The following UBE3D variants were observed in gnomAD, a reference collection of about 807,000 sequenced individuals.
The protein encoded by UBE3D is E3 ubiquitin-protein ligase E3D.
A neutral mutation model predicts 49.6 loss-of-function variants in UBE3D; 48 were observed. The observed-to-expected ratio is 0.97, with a 90% confidence interval of 0.77 to 1.23. The LOEUF (loss-of-function observed/expected upper bound fraction) is 1.23. Among genes scored for constraint, UBE3D ranks in the 50% most tolerant of loss-of-function variants. The pLI, the probability that UBE3D is intolerant of heterozygous loss-of-function variation, is 0.00. For missense variants in UBE3D, 452 were observed against 468.4 expected, an observed-to-expected ratio of 0.96 and a Z score of 0.32; for synonymous variants, 189 against 174.2, an observed-to-expected ratio of 1.08 and a Z score of -0.67.
At chr6:82,981,665 G>A (rs12196322) in intron 8 of UBE3D, among the ~76,000 whole-genome samples, 13,295 of 151,882 alleles carry the variant, frequency 0.088, 770 homozygotes, top group Non-Finnish European at 0.13. Flanking sequence ...ACTGGCCTGA[G>A]AACCTACTTG....
chr6:82,931,911 C>T (rs746569786), intron 9 of UBE3D, among the ~76,000 whole-genome samples: 4 of 152,040 alleles, frequency 2.6e-5, no homozygotes, highest in Non-Finnish European at 4.4e-5. Context: ...ATTGTAGTTA[C>T]CATAATCTCC....
At chr6:82,994,515 A>G (rs1779110660) in intron 8 of UBE3D, among the ~76,000 whole-genome samples, 1 of 152,162 alleles carries the variant, frequency 6.6e-6, no homozygotes, top group African/African-American at 2.4e-5. Flanking sequence ...GGAGATAAGG[A>G]TTTGGGACAG....
chr6:83,004,988 G>A (rs1779873745), intron 8 of UBE3D, among the ~76,000 whole-genome samples: 1 of 151,994 alleles, frequency 6.6e-6, no homozygotes, highest in African/African-American at 2.4e-5. Flanking sequence ...TAGAGAAATG[G>A]GACTATCTCA....
intron 9 of UBE3D, among the ~76,000 whole-genome samples, chr6:82,951,806 C>A (rs1428376964): frequency 6.6e-6 from 1 of 152,074 alleles, no homozygotes; most frequent in Admixed American, 6.6e-5. Context: ...GAGGCCCTGA[C>A]CAAAAGGACG....
At chr6:83,038,626 T>C in intron 4 of UBE3D, 141 bp from the exon 5 acceptor site, 1 of 695,674 alleles carries the variant, frequency 1.4e-6, no homozygotes, top group Non-Finnish European at 2.3e-6. Flanking sequence ...ACATTTAGCT[T>C]GTATGCATAA....
intron 5 of UBE3D, among the ~76,000 whole-genome samples, chr6:83,031,858 G>A (rs901516336): frequency 2.8e-4 from 42 of 152,302 alleles, no homozygotes; most frequent in East Asian, 2.1e-3. Context: ...CTCGGGCCCC[G>A]GCTTCAGAGG....
chr6:82,932,404 A>G lies in UBE3D; in HGVS notation c.1149+24908T>C, dbSNP rs12110929. Among the ~76,000 whole-genome samples the G allele has an allele frequency of 2.8e-3, 431 of 152,260 alleles. 4 individuals carry two copies. Among genetic ancestry groups the G allele is most frequent in the African/African-American group, 9.4e-3 (392 of 41,562 alleles). On this transcript the variant is annotated intron_variant, in intron 9 of 9. Transcript: ENST00000369747. Reference sequence around the variant, plus strand: ...CTTTAAATGGTGTATCTGGTCCTATATGGCCTTTGGCTTTTTAAATCATGT... The same window carrying G: ...CTTTAAATGGTGTATCTGGTCCTATGTGGCCTTTGGCTTTTTAAATCATGT...
At chr6:83,031,111 G>A (rs1392130904) in intron 5 of UBE3D, among the ~76,000 whole-genome samples, 1 of 152,148 alleles carries the variant, frequency 6.6e-6, no homozygotes, top group Non-Finnish European at 1.5e-5. Context: ...AAATTCAAGT[G>A]ATTATCATGC....
intron 8 of UBE3D, among the ~76,000 whole-genome samples, chr6:83,013,486 T>G (rs1238513830): frequency 1.3e-5 from 2 of 152,188 alleles, no homozygotes; most frequent in Non-Finnish European, 2.9e-5. Context: ...CATAGCAGCC[T>G]GGACCTGTTG....
chr6:82,903,077 C>T (rs1359011605), intron 9 of UBE3D, among the ~76,000 whole-genome samples: 1 of 152,030 alleles, frequency 6.6e-6, no homozygotes, highest in Non-Finnish European at 1.5e-5. Flanking sequence ...GAGATAATTG[C>T]TATTGTAACT....
chr6:82,887,425 T>C (rs1163063582), downstream of UBE3D, among the ~76,000 whole-genome samples: 5 of 137,066 alleles, frequency 3.6e-5, no homozygotes, highest in Non-Finnish European at 7.7e-5. Context: ...GAAAGAATAG[T>C]GGGCTGGGCG....
chr6:83,063,412 TAAAAAAAAAA>T (rs201669450), intron 1 of UBE3D, among the ~76,000 whole-genome samples: 3 of 45,496 alleles, frequency 6.6e-5, no homozygotes, highest in South Asian at 7.7e-4. Context: ...AGACGCTGTC[TAAAAAAAAAA>T]AAAAAAAAAA....
chr6:82,965,046 G>A (rs1776810799), intron 8 of UBE3D, among the ~76,000 whole-genome samples: 1 of 152,146 alleles, frequency 6.6e-6, no homozygotes, highest in Non-Finnish European at 1.5e-5. Context: ...GAGAATTTAA[G>A]TACACAATTC....
intron 7 of UBE3D, among the ~76,000 whole-genome samples, chr6:83,021,754 A>T (rs1248857635): frequency 6.6e-6 from 1 of 151,850 alleles, no homozygotes; most frequent in Admixed American, 6.6e-5. Flanking sequence ...CTGTAGTCCC[A>T]CCTACTCGGG....
At chr6:83,054,834 A>G (rs1783710242) in intron 2 of UBE3D, among the ~76,000 whole-genome samples, 1 of 152,164 alleles carries the variant, frequency 6.6e-6, no homozygotes, top group African/African-American at 2.4e-5. Context: ...TATTTTTAGT[A>G]GAGACGGGGT....
chr6:82,937,046 A>G (rs1774630768), intron 9 of UBE3D, among the ~76,000 whole-genome samples: 1 of 152,232 alleles, frequency 6.6e-6, no homozygotes, highest in African/African-American at 2.4e-5. Flanking sequence ...TTACTGCTCC[A>G]TAGATGAGGT....
chr6:82,899,552 C>T lies in UBE3D; in HGVS notation c.1150-6510G>A, dbSNP rs151158937. 2.0e-5 allele frequency among the ~76,000 whole-genome samples: 3 copies of T among 152,278 alleles called. No homozygotes were observed. In the East Asian group the frequency reaches 5.8e-4, roughly 29 times the overall value. ...TTCTAGCAGACATCTAGGTAAAAGG[C>T]CAGCAGTCCACTTACAGGATGAGAA... On this transcript the variant is annotated intron_variant, in intron 9 of 9. Transcript: ENST00000369747.
At chr6:83,059,563 A>G (rs1784033433) in intron 1 of UBE3D, among the ~76,000 whole-genome samples, 1 of 152,190 alleles carries the variant, frequency 6.6e-6, no homozygotes, top group Non-Finnish European at 1.5e-5. Context: ...TGACACTTCC[A>G]AGTGCCGCAA....
At chr6:82,912,806 T>C (rs1582320131) in intron 9 of UBE3D, among the ~76,000 whole-genome samples, 1 of 152,336 alleles carries the variant, frequency 6.6e-6, no homozygotes, top group East Asian at 1.9e-4. Flanking sequence ...GTTCCTCCAA[T>C]GTGTCAGGCA....
Sources: gnomAD v4.1 joint callset for allele counts (sites outside exome capture counted in the v4.1 genomes callset) on GRCh38, gnomAD v4.1.1 for gene constraint, MANE v1.5 for transcripts, NCBI Gene and HGNC (gene_info 2026-07-23, HGNC 2026-07-21) for gene names.